The following MCF2L variants were observed in gnomAD, a reference collection of about 807,000 sequenced individuals.
The protein encoded by MCF2L is guanine nucleotide exchange factor DBS.
A neutral mutation model predicts 153.4 loss-of-function variants in MCF2L; 97 were observed. That is an observed-to-expected ratio of 0.63 (90% CI 0.54 to 0.75). MCF2L has a LOEUF of 0.75. Ranked by LOEUF, MCF2L falls within the 30% of genes least tolerant of loss-of-function variation. MCF2L has a pLI of 0.00. For missense variants in MCF2L, 1,347 were observed against 1,495.2 expected (o/e 0.90, Z 1.64); for synonymous variants, 659 against 632.2 (o/e 1.04, Z -0.64).
intron 17 of MCF2L, among the ~76,000 whole-genome samples, chr13:113,083,529 C>A (rs569877778): frequency 4.6e-5 from 7 of 152,228 alleles, no homozygotes; most frequent in African/African-American, 7.2e-5. Context: ...ATCCCCCAGA[C>A]GGTTTTCCCC....
intron 1 of MCF2L, 148 bp from the exon 2 acceptor site, chr13:113,014,615 T>C: frequency 1.6e-6 from 1 of 611,230 alleles, no homozygotes; most frequent in Non-Finnish European, 2.9e-6. Flanking sequence ...CCTCCACGTA[T>C]TGGAAACTGA....
At chr13:112,939,173 A>G (rs1341346559) in intron 2 of MCF2L, among the ~76,000 whole-genome samples, 1 of 152,252 alleles carries the variant, frequency 6.6e-6, no homozygotes, top group Admixed American at 6.5e-5. Context: ...ACTTCACAGA[A>G]CGACACATAA....
chr13:113,058,051 GTGTT>G (rs1366120487), intron 4 of MCF2L, among the ~76,000 whole-genome samples: 1 of 149,516 alleles, frequency 6.7e-6, no homozygotes, highest in African/African-American at 2.5e-5. Flanking sequence ...TAGGTGCTGA[GTGTT>G]TGGGTGCTGA....
intron 3 of MCF2L, among the ~76,000 whole-genome samples, chr13:113,032,051 G>A (rs547108186): frequency 6.6e-6 from 1 of 152,320 alleles, no homozygotes; most frequent in Non-Finnish European, 1.5e-5. Context: ...TGGTGTATGG[G>A]GAGGGTGCAT....
In MCF2L at chr13:113,075,196, C is replaced by A. The variant is rs368231633; in HGVS notation, c.1308+7C>A. On this transcript the variant is annotated splice_region_variant and intron_variant, in intron 11 of 29. Coordinates refer to ENST00000535094, the MANE Select transcript of MCF2L (RefSeq NM_001112732.3). ...GCACCGCCGCCTGGAGACGGTAGGC[C>A]GAGCCGGACCCCACCCCACTCCCCC... 6.3e-7 allele frequency: 1 copy of A among 1,580,898 alleles called. No homozygotes were observed. The highest frequency in any genetic ancestry group is 2.3e-5 in the East Asian group (1 of 43,936).
At chr13:112,919,578 A>T (rs1031139735) in intron 2 of MCF2L, among the ~76,000 whole-genome samples, 1 of 148,960 alleles carries the variant, frequency 6.7e-6, no homozygotes, top group African/African-American at 2.6e-5. Context: ...TTTTGTTTTA[A>T]AAAAAAATGC....
At chr13:112,942,985 G>T (rs1230068083) in intron 2 of MCF2L, among the ~76,000 whole-genome samples, 1 of 152,206 alleles carries the variant, frequency 6.6e-6, no homozygotes, top group Non-Finnish European at 1.5e-5. Flanking sequence ...TGTGTCCAAA[G>T]GATATGGTGT....
intron 2 of MCF2L, chr13:112,957,665 A>G (rs1269524199): frequency 1.3e-5 from 2 of 151,962 alleles, no homozygotes; most frequent in East Asian, 2.0e-4. Context: ...CATGTATTAC[A>G]TACTTTTCTG....
At chr13:113,090,850 C>T in intron 26 of MCF2L, 1 of 1,145,580 alleles carries the variant, frequency 8.7e-7, no homozygotes, top group South Asian at 1.8e-5. Flanking sequence ...TCTGCTAGCG[C>T]AGAACTAAGA....
At chr13:112,962,291 A>G (rs2081840783) in intron 2 of MCF2L, among the ~76,000 whole-genome samples, 1 of 152,162 alleles carries the variant, frequency 6.6e-6, no homozygotes, top group South Asian at 2.1e-4. Context: ...TCACACACGC[A>G]TGTACACACA....
At chr13:113,088,427 C>A in intron 24 of MCF2L, 22 bp downstream of exon 24, 1 of 1,613,106 alleles carries the variant, frequency 6.2e-7, no homozygotes, top group Non-Finnish European at 8.5e-7. Context: ...TTCAAGCGAT[C>A]GTTTCCCGTA....
At chr13:112,916,980 C>T in intron 2 of MCF2L, 1 of 441,326 alleles carries the variant, frequency 2.3e-6, no homozygotes, top group South Asian at 1.7e-5. Flanking sequence ...GGTCTGTGTC[C>T]CCATCCCTCT....
intron 2 of MCF2L, among the ~76,000 whole-genome samples, chr13:112,915,720 A>G (rs911501702): frequency 2.0e-5 from 3 of 151,924 alleles, no homozygotes; most frequent in African/African-American, 7.3e-5. Flanking sequence ...TTTCTTGTCA[A>G]TTTTTGTGCT....
chr13:112,967,348 G>C (rs2081906784), upstream of MCF2L: 1 of 152,116 alleles, frequency 6.6e-6, no homozygotes, highest in African/African-American at 2.4e-5. Context: ...GTCCACAGAG[G>C]GAGAGGCTCC....
At chr13:113,066,433 C>T (rs988890593) in intron 8 of MCF2L, among the ~76,000 whole-genome samples, 21 of 152,266 alleles carry the variant, frequency 1.4e-4, no homozygotes, top group Admixed American at 1.1e-3. Flanking sequence ...GCCCTTTTGC[C>T]GGCATGAAGG....
chr13:113,080,735 G>T (rs559247625), intron 15 of MCF2L, among the ~76,000 whole-genome samples: 1 of 152,176 alleles, frequency 6.6e-6, no homozygotes, highest in Non-Finnish European at 1.5e-5. Flanking sequence ...CCAGACCCCC[G>T]CCCTGGCCAC....
At chr13:112,963,765 C>T (rs1159219224) in intron 2 of MCF2L, among the ~76,000 whole-genome samples, 6 of 152,206 alleles carry the variant, frequency 3.9e-5, no homozygotes, top group East Asian at 1.9e-4. Flanking sequence ...ATCCAACCAC[C>T]GGTGTCCATG....
intron 1 of MCF2L, among the ~76,000 whole-genome samples, chr13:112,991,010 A>T (rs2082875232): frequency 6.6e-6 from 1 of 152,172 alleles, no homozygotes; most frequent in Non-Finnish European, 1.5e-5. Context: ...AGAGACAAAA[A>T]CAAAGAAAGC....
rs1192700778 is a variant in MCF2L, at chr13:113,096,493, C to T, written c.3188+10C>T. The T allele has an allele frequency of 8.8e-6, 14 of 1,583,210 alleles. No homozygotes were observed. Among genetic ancestry groups the T allele is most frequent in the Non-Finnish European group, 1.2e-5 (14 of 1,166,026 alleles). On this transcript the variant is annotated intron_variant, in intron 28 of 29. Coordinates refer to ENST00000535094, the MANE Select transcript of MCF2L (RefSeq NM_001112732.3). Reference sequence around the variant, plus strand: ...GCGACGAGGGCCTCTGGTAAGACCCCGCGCTCAGCCCCGGACTGCCCCGCA... The same window carrying T: ...GCGACGAGGGCCTCTGGTAAGACCCTGCGCTCAGCCCCGGACTGCCCCGCA...
Sources: gnomAD v4.1 joint callset for allele counts (sites outside exome capture counted in the v4.1 genomes callset) on GRCh38, gnomAD v4.1.1 for gene constraint, MANE v1.5 for transcripts, NCBI Gene and HGNC (gene_info 2026-07-23, HGNC 2026-07-21) for gene names.